Variants in COX7B2 observed in about 807,000 individuals in gnomAD.
The protein encoded by COX7B2 is cytochrome c oxidase subunit 7B2.
For synonymous variants in COX7B2, 37 were observed against 32.1 expected, an observed-to-expected ratio of 1.15 and a Z score of -0.51; for missense variants, 109 against 95.9, an observed-to-expected ratio of 1.14 and a Z score of -0.57.
intron 2 of COX7B2, among the ~76,000 whole-genome samples, chr4:46,780,135 T>A (rs1478257469): frequency 6.6e-6 from 1 of 152,214 alleles, no homozygotes; most frequent in Non-Finnish European, 1.5e-5. Context: ...TTAGATTCAA[T>A]GACTAATCCA....
chr4:46,843,720 G>A lies in COX7B2; in HGVS notation c.-50+1240C>T, dbSNP rs145908101. Reference sequence around the variant, plus strand: ...TTTCAAACAATTTATATGAGAAATGGTTAAATGAAGATAATATAGTCTGAA... The same window carrying A: ...TTTCAAACAATTTATATGAGAAATGATTAAATGAAGATAATATAGTCTGAA... On this transcript the variant is annotated intron_variant, in intron 2 of 2. Coordinates refer to ENST00000355591, the MANE Select transcript of COX7B2 (RefSeq NM_130902.3). Among the ~76,000 whole-genome samples the A allele has an allele frequency of 5.6e-4, 85 of 152,012 alleles. No individual in the cohort carries two copies. The East Asian group carries it at 0.011, about 20-fold the overall frequency.
intron 1 of COX7B2, among the ~76,000 whole-genome samples, chr4:46,903,632 A>C (rs572124624): frequency 8.2e-4 from 125 of 152,286 alleles, no homozygotes; most frequent in Non-Finnish European, 1.5e-3. Flanking sequence ...TGCCCAAAAC[A>C]GGTGTATCAT....
chr4:46,736,442 G>T (rs990497877), intron 2 of COX7B2, among the ~76,000 whole-genome samples: 2 of 152,050 alleles, frequency 1.3e-5, no homozygotes, highest in Non-Finnish European at 2.9e-5. Context: ...CTGGTGTGGT[G>T]ATCTGGTTTC....
intron 2 of COX7B2, among the ~76,000 whole-genome samples, chr4:46,834,235 T>C (rs1715359507): frequency 6.6e-6 from 1 of 152,156 alleles, no homozygotes; most frequent in African/African-American, 2.4e-5. Context: ...CAACAAGTTT[T>C]GTCTTCTTCT....
intron 2 of COX7B2, among the ~76,000 whole-genome samples, chr4:46,815,254 A>G (rs922572672): frequency 1.2e-4 from 19 of 152,062 alleles, no homozygotes; most frequent in African/African-American, 4.6e-4. Context: ...ATCATCTCCA[A>G]CTGGGGTTTA....
At chr4:46,752,325 G>T (rs146455153) in intron 2 of COX7B2, among the ~76,000 whole-genome samples, 3 of 149,590 alleles carry the variant, frequency 2.0e-5, no homozygotes, top group African/African-American at 7.3e-5. Context: ...TGGGCTGAGA[G>T]GATGGGGTTT....
intron 1 of COX7B2, among the ~76,000 whole-genome samples, chr4:46,903,176 C>G (rs1461484862): frequency 6.6e-6 from 1 of 152,090 alleles, no homozygotes; most frequent in Admixed American, 6.5e-5. Context: ...CATTAACACT[C>G]AAAGAAATTA....
chr4:46,804,242 C>A (rs752571991), intron 2 of COX7B2, among the ~76,000 whole-genome samples: 2 of 152,028 alleles, frequency 1.3e-5, no homozygotes, highest in Non-Finnish European at 1.5e-5. Context: ...TAGTGCGGAC[C>A]CAAAGAGTGA....
chr4:46,897,389 T>C (rs1443926520), intron 1 of COX7B2, among the ~76,000 whole-genome samples: 1 of 152,224 alleles, frequency 6.6e-6, no homozygotes, highest in East Asian at 1.9e-4. Flanking sequence ...GGATTCTTTC[T>C]CTCTGTCTCA....
At chr4:46,865,245 C>T (rs1717597809) in intron 1 of COX7B2, among the ~76,000 whole-genome samples, 1 of 152,126 alleles carries the variant, frequency 6.6e-6, no homozygotes, top group African/African-American at 2.4e-5. Flanking sequence ...GAATAATGGC[C>T]TTCAGCTCCA....
Position 46,844,351 on chromosome 4 carries a change from T to C in COX7B2, c.-50+609A>G, listed in dbSNP as rs141139184. ...TGACCACTGACTCCAGACACGGTCA[T>C]GGATAAGGACAAGAAAAATATTAAA... On this transcript the variant is annotated intron_variant, in intron 2 of 2. Coordinates refer to ENST00000355591, the MANE Select transcript of COX7B2 (RefSeq NM_130902.3). Among the ~76,000 whole-genome samples the C allele has an allele frequency of 7.7e-3, 1,176 of 152,054 alleles. 18 individuals carry two copies. Among genetic ancestry groups the C allele is most frequent in the African/African-American group, 0.027 (1,133 of 41,516 alleles).
At chr4:46,795,033 TTTTG>T (rs1371770391) in intron 2 of COX7B2, among the ~76,000 whole-genome samples, 4,101 of 147,982 alleles carry the variant, frequency 0.028, 208 homozygotes, top group African/African-American at 0.091. Flanking sequence ...TTCGCCCACT[TTTTG>T]ATGGGGTTGT....
intron 2 of COX7B2, among the ~76,000 whole-genome samples, chr4:46,795,323 A>T (rs1242428576): frequency 1.2e-5 from 1 of 83,004 alleles, no homozygotes; most frequent in African/African-American, 5.6e-5. Flanking sequence ...TAGGGTTTTT[A>T]TGGTTTTAGG....
At chr4:46,783,643 A>G (rs1215742132) in intron 2 of COX7B2, among the ~76,000 whole-genome samples, 1 of 152,190 alleles carries the variant, frequency 6.6e-6, no homozygotes, top group Non-Finnish European at 1.5e-5. Flanking sequence ...AGCTGTTCCT[A>G]AGGAAAACTC....
At chr4:46,847,628 C>T (rs985961395) in intron 1 of COX7B2, among the ~76,000 whole-genome samples, 8 of 151,918 alleles carry the variant, frequency 5.3e-5, no homozygotes, top group Non-Finnish European at 1.0e-4. Context: ...TTGTTATGCA[C>T]CAATGGAAAA....
rs1164259093 is a variant in COX7B2, at chr4:46,735,010, A to C, written c.183T>G (p.Ile61Met). Reference sequence around the variant, plus strand: ...CAGGGGATAGGTTCCATTCTATTCCAATCTGAGTGGCTGTAAACACCCATG... The same window carrying C: ...CAGGGGATAGGTTCCATTCTATTCCCATCTGAGTGGCTGTAAACACCCATG... ...VATWVFTATQ[I>M]GIEWNLSPVG... Residue 61 changes from isoleucine (I) to methionine (M), a missense_variant, in exon 3 of 3, where the codon ATT becomes ATG. Ile to Met is a conservative substitution (Grantham distance 10). Coordinates refer to ENST00000355591, the MANE Select transcript of COX7B2 (RefSeq NM_130902.3). 6.2e-7 allele frequency: 1 copy of C among 1,613,934 alleles called. No individual in the cohort carries two copies. The highest frequency in any genetic ancestry group is 8.5e-7 in the Non-Finnish European group (1 of 1,179,930).
chr4:46,842,527 A>T (rs1715999269), intron 2 of COX7B2, among the ~76,000 whole-genome samples: 1 of 151,878 alleles, frequency 6.6e-6, no homozygotes, highest in South Asian at 2.1e-4. Flanking sequence ...CATTAGGTAT[A>T]TCTCCTAATG....
chr4:46,766,486 G>T (rs1228657107), intron 2 of COX7B2, among the ~76,000 whole-genome samples: 1 of 152,008 alleles, frequency 6.6e-6, no homozygotes, highest in Non-Finnish European at 1.5e-5. Flanking sequence ...GATCACTTGA[G>T]CTCAGGAGTT....
At chr4:46,743,280 G>A (rs901854417) in intron 2 of COX7B2, among the ~76,000 whole-genome samples, 14 of 152,150 alleles carry the variant, frequency 9.2e-5, no homozygotes, top group Admixed American at 2.6e-4. Context: ...GTCCCTTAGT[G>A]TAATCACATT....
Sources: allele counts gnomAD v4.1 joint callset (sites outside exome capture counted in the v4.1 genomes callset), GRCh38; gene constraint gnomAD v4.1.1; transcripts MANE v1.5; gene names NCBI Gene and HGNC (gene_info 2026-07-23, HGNC 2026-07-21).